Variants in PRKACA observed in about 807,000 individuals in gnomAD.
PRKACA encodes cAMP-dependent protein kinase catalytic subunit alpha.
In PRKACA, 9 loss-of-function variants were observed where a neutral mutation model predicts 45.8. The observed-to-expected ratio is 0.20, with a 90% CI of 0.12 to 0.34. The LOEUF (loss-of-function observed/expected upper bound fraction) is 0.34, where lower values mean the gene tolerates loss of function less well. PRKACA is among the 10% of genes least tolerant of loss of function. The pLI, the probability that PRKACA is intolerant of heterozygous loss-of-function variation, is 1.00. For missense variants in PRKACA, 238 were observed against 458.6 expected (o/e 0.52, Z 4.39); for synonymous variants, 160 against 178.6 (o/e 0.90, Z 0.83).
rs1977302583 is a variant in PRKACA, at chr19:14,097,688, A to C, written c.547-14T>G. 6.2e-7 allele frequency: 1 copy of C among 1,611,380 alleles called. No homozygotes were observed. Among genetic ancestry groups the C allele is most frequent in the Admixed American group, 1.7e-5 (1 of 59,902 alleles). Reference sequence around the variant, plus strand: ...GAAGTCTGTCACCTGTGGGCACAAGAACAGGCAGTTGGCAGGGAGGAAGGG... The same window carrying C: ...GAAGTCTGTCACCTGTGGGCACAAGCACAGGCAGTTGGCAGGGAGGAAGGG... On this transcript the variant is annotated splice_polypyrimidine_tract_variant and intron_variant, in intron 6 of 9. Transcript: ENST00000308677. The surrounding 1 kb of genome is among the most constrained non-coding windows in gnomAD (Gnocchi z 5.4).
In PRKACA at chr19:14,097,148, A is replaced by T. The variant is rs982736643; in HGVS notation, c.765+213T>A. The T allele has an allele frequency of 9.0e-6, 6 of 667,586 alleles. No homozygotes were observed. Among genetic ancestry groups the T allele is most frequent in the Non-Finnish European group, 1.2e-5 (5 of 401,686 alleles). 41.4% of individuals were successfully genotyped at this position (667,586 alleles called of 1,614,324 possible). A position where few individuals can be genotyped will look rare whatever the true frequency, so the allele number is the denominator to read the frequency against. On this transcript the variant is annotated intron_variant, in intron 8 of 9. Coordinates refer to ENST00000308677, the MANE Select transcript of PRKACA (RefSeq NM_002730.4). This position sits in a 1 kb window ranked among gnomAD's most constrained non-coding sequence, Gnocchi z 5.4. ...GTGAGGCTCGGGATTTTGGAAGCCC[A>T]TGGGATTCTGGAACCGCGGGGTTGG...
At chr19:14,114,466 A>T (rs886158461) in intron 1 of PRKACA, among the ~76,000 whole-genome samples, 6 of 152,006 alleles carry the variant, frequency 3.9e-5, no homozygotes, top group Admixed American at 3.9e-4. Flanking sequence ...ATAGGATGTT[A>T]CACGGCACTA....
At chr19:14,104,103 C>T (rs1317144694) in intron 3 of PRKACA, among the ~76,000 whole-genome samples, 2 of 152,028 alleles carry the variant, frequency 1.3e-5, no homozygotes, top group African/African-American at 2.4e-5. Context: ...TTTGAGAGGC[C>T]GAGGCAGGTG....
chr19:14,103,729 G>C (rs1977513318), intron 3 of PRKACA, among the ~76,000 whole-genome samples: 1 of 152,150 alleles, frequency 6.6e-6, no homozygotes, highest in Non-Finnish European at 1.5e-5. Context: ...GGTCGGATGG[G>C]GAGCCAAATT....
At chr19:14,098,570 A>G (rs1181038383) in intron 5 of PRKACA, 2 of 151,604 alleles carry the variant, frequency 1.3e-5, no homozygotes, top group African/African-American at 4.9e-5. Context: ...ATCTCGGCTC[A>G]CTGCAACCTT....
intron 8 of PRKACA, 65 bp from the exon 9 acceptor site, chr19:14,093,857 T>G (rs1267519849): frequency 9.4e-6 from 14 of 1,489,750 alleles, no homozygotes; most frequent in African/African-American, 1.4e-5. Context: ...CCATGATGCT[T>G]CTTTCTCCAT....
chr19:14,101,096 A>G, intron 4 of PRKACA, 188 bp from the exon 5 acceptor site: 1 of 591,500 alleles, frequency 1.7e-6, no homozygotes, highest in South Asian at 1.8e-5. Flanking sequence ...GGGCTGGCTC[A>G]GAGGTATGTC....
chr19:14,092,544 G>A lies in PRKACA; in HGVS notation c.*568C>T, dbSNP rs953052858. 5.0e-6 allele frequency: 2 copies of A among 398,702 alleles called. No homozygotes were observed. Among genetic ancestry groups the A allele is most frequent in the Non-Finnish European group, 8.9e-6 (2 of 225,976 alleles). 24.7% of individuals were successfully genotyped at this position (398,702 alleles called of 1,614,324 possible). A position where few individuals can be genotyped will look rare whatever the true frequency, so the allele number is the denominator to read the frequency against. On this transcript the variant is annotated 3_prime_UTR_variant, in exon 10 of 10. Transcript: ENST00000308677. ...AGGAAGGAGGGAGGGAGGCACTGGT[G>A]GAACTTAAATAAGATTTTAAATTGT...
In PRKACA at chr19:14,096,032, G is replaced by GTTT. The variant is rs60082323; in HGVS notation, c.765+1326_765+1328dup. ...CACCATCACGCCCAGCTAATTTTTA[G>GTTT]TTTTTTTTTTTTTTTTTTTTTTTTG... On this transcript the variant is annotated intron_variant, in intron 8 of 9. Transcript: ENST00000308677. Among the ~76,000 whole-genome samples, 179 of 92,560 alleles carry GTTT rather than the reference G, an allele frequency of 1.9e-3. 1 individual carries two copies. The highest frequency in any genetic ancestry group is 5.3e-3 in the African/African-American group (117 of 22,206). 60.7% of individuals were successfully genotyped at this position (92,560 alleles called of 152,430 possible). A position where few individuals can be genotyped will look rare whatever the true frequency, so the allele number is the denominator to read the frequency against.
chr19:14,098,327 G>C (rs1977327422), intron 5 of PRKACA: 1 of 169,444 alleles, frequency 5.9e-6, no homozygotes, highest in Non-Finnish European at 1.3e-5. Context: ...GAGGGATTCG[G>C]CCCGGTGCGG....
Position 14,110,146 on chromosome 19 carries a change from CA to C in PRKACA, c.47-2738del, listed in dbSNP as rs756713763. Among the ~76,000 whole-genome samples the C allele has an allele frequency of 1.3e-3, 193 of 150,048 alleles. No homozygotes were observed. In the Middle Eastern group the frequency reaches 0.017, roughly 13 times the overall value. On this transcript the variant is annotated intron_variant, in intron 1 of 9. Coordinates refer to ENST00000308677, the MANE Select transcript of PRKACA (RefSeq NM_002730.4). ...GCAACATAGCAAGACCCAATCTCTA[CA>C]AAAAATAAAACAATTAAAAAATTAG...
chr19:14,102,979 T>C (rs1468520642), intron 3 of PRKACA, 65 bp from the exon 4 acceptor site: 15 of 1,288,036 alleles, frequency 1.2e-5, no homozygotes, highest in South Asian at 1.1e-4. Flanking sequence ...TTTCCCCTAA[T>C]GCCTGGAACT....
In PRKACA at chr19:14,093,763, G is replaced by A; in HGVS notation, c.795C>T (p.Asp265=). 1.2e-6 allele frequency: 2 copies of A among 1,613,946 alleles called. No homozygotes were observed. The highest frequency in any genetic ancestry group is 1.7e-6 in the Non-Finnish European group (2 of 1,179,888). ...KVRFPSHFSS[D]LKDLLRNLLQ... is the part of the protein sequence containing the mutation. ...GGAGGTTCCGCAGCAGGTCCTTCAA[G>A]TCAGAGCTGAAGTGGGAAGGGAAGC... The change falls in exon 9 of 10, where the codon GAC becomes GAT. Residue 265 remains aspartate (D), a synonymous_variant. Transcript: ENST00000308677.
At chr19:14,109,999 T>TACACACACACAC (rs764855462) in intron 1 of PRKACA, among the ~76,000 whole-genome samples, 2 of 55,476 alleles carry the variant, frequency 3.6e-5, no homozygotes, top group African/African-American at 2.1e-4. Context: ...TATATATATA[T>TACACACACACAC]ACACACACAC....
At position 14,097,373 on chromosome 19, in the gene PRKACA, G is replaced by C; in HGVS notation, c.753C>G (p.Ile251Met). The C allele has an allele frequency of 6.2e-7, 1 of 1,614,084 alleles. No individual in the cohort carries two copies. The highest frequency in any genetic ancestry group is 8.5e-7 in the Non-Finnish European group (1 of 1,180,016). ...ATCCGGACCTCACCTTCCCAGAGAC[G>C]ATCTTCTCATAGATCTGGATGGGCT... ...ADQPIQIYEK[I>M]VSGKVRFPSH... The change falls in exon 8 of 10, where the codon ATC becomes ATG. Residue 251 changes from isoleucine (I) to methionine (M), a missense_variant. Ile to Met is a conservative substitution (Grantham distance 10). Coordinates refer to ENST00000308677, the MANE Select transcript of PRKACA (RefSeq NM_002730.4). The surrounding 1 kb of genome is among the most constrained non-coding windows in gnomAD (Gnocchi z 5.4).
intron 8 of PRKACA, among the ~76,000 whole-genome samples, chr19:14,095,008 G>A (rs1977203042): frequency 6.6e-6 from 1 of 152,240 alleles, no homozygotes; most frequent in African/African-American, 2.4e-5. Flanking sequence ...CCTCTCAGAT[G>A]TGGGGCAGAT....
At chr19:14,110,205 C>T (rs1966927658) in intron 1 of PRKACA, among the ~76,000 whole-genome samples, 1 of 151,392 alleles carries the variant, frequency 6.6e-6, no homozygotes, top group African/African-American at 2.4e-5. Flanking sequence ...GCAGTTTCAG[C>T]TAAGCAGGAG....
At chr19:14,106,979 G>A (rs1406088291) in intron 2 of PRKACA, 91 bp from the exon 3 acceptor site, 1 of 1,534,498 alleles carries the variant, frequency 6.5e-7, no homozygotes, top group Non-Finnish European at 8.8e-7. Flanking sequence ...CACCGGCAGA[G>A]GGGGCCCCGG....
At position 14,093,041 on chromosome 19, in the gene PRKACA, A is replaced by AGGGGC; in HGVS notation, c.*70_*71insGCCCC. On this transcript the variant is annotated 3_prime_UTR_variant, in exon 10 of 10. Transcript: ENST00000308677. ...CTGGGGCCCTCTGGCTGTTCAATCCAACCCTCCCACCCCCCCGACCAAAAA... is the reference window on the plus strand; with the variant it reads ...CTGGGGCCCTCTGGCTGTTCAATCCAGGGGCACCCTCCCACCCCCCCGACCAAAAA... 4 of 500,028 alleles carry AGGGGC rather than the reference A, an allele frequency of 8.0e-6. 1 individual carries two copies. The highest frequency in any genetic ancestry group is 1.4e-5 in the Non-Finnish European group (4 of 278,314). 31.0% of individuals were successfully genotyped at this position (500,028 alleles called of 1,614,324 possible). A position where few individuals can be genotyped will look rare whatever the true frequency, so the allele number is the denominator to read the frequency against.
Sources: gnomAD v4.1 joint callset for allele counts (sites outside exome capture counted in the v4.1 genomes callset) on GRCh38, gnomAD v4.1.1 for gene constraint, Gnocchi (gnomAD v3.1) non-coding constraint, MANE v1.5 for transcripts, NCBI Gene and HGNC (gene_info 2026-07-23, HGNC 2026-07-21) for gene names.